Variants in RABGAP1L observed in about 807,000 individuals in gnomAD.
RABGAP1L encodes rab GTPase-activating protein 1-like.
In RABGAP1L, 63 loss-of-function variants were observed where a neutral mutation model predicts 137.7. The ratio of observed to expected loss-of-function variants is 0.46; its 90% confidence interval spans 0.37 to 0.56. The LOEUF (loss-of-function observed/expected upper bound fraction) is 0.56. Ranked by LOEUF, RABGAP1L falls within the 20% of genes least tolerant of loss-of-function variation. RABGAP1L has a pLI of 0.00. For missense variants in RABGAP1L, 1,095 were observed against 1,244.0 expected (o/e 0.88, Z 1.80); for synonymous variants, 431 against 433.7 (o/e 0.99, Z 0.08).
chr1:174,794,234 G>A (rs1405686525), intron 18 of RABGAP1L, among the ~76,000 whole-genome samples: 1 of 152,228 alleles, frequency 6.6e-6, no homozygotes, highest in Non-Finnish European at 1.5e-5. Context: ...ACTTATTGAT[G>A]TGTCTGTGTC....
At chr1:174,161,729 T>C (rs1664474761) in intron 1 of RABGAP1L, among the ~76,000 whole-genome samples, 1 of 152,116 alleles carries the variant, frequency 6.6e-6, no homozygotes, top group African/African-American at 2.4e-5. Context: ...TAGATGAAGT[T>C]TGTTTGTTTC....
chr1:174,419,148 G>T (rs907159929), intron 13 of RABGAP1L, among the ~76,000 whole-genome samples: 1 of 152,104 alleles, frequency 6.6e-6, no homozygotes, highest in Admixed American at 6.5e-5. Context: ...ATCTATTCTT[G>T]GTTTATTTAC....
At chr1:174,946,382 G>A (rs1203267682) in intron 19 of RABGAP1L, among the ~76,000 whole-genome samples, 6 of 152,176 alleles carry the variant, frequency 3.9e-5, no homozygotes, top group Admixed American at 3.9e-4. Context: ...GCATGTTCCT[G>A]TAGTCCCAGC....
chr1:174,370,863 TA>T (rs1685061945), intron 11 of RABGAP1L, 115 bp from the exon 12 acceptor site: 3 of 444,874 alleles, frequency 6.7e-6, no homozygotes, highest in African/African-American at 6.1e-5. Flanking sequence ...ATGCATGTAA[TA>T]ATATGAAGAG....
At chr1:174,867,139 T>C (rs1651401434) in intron 19 of RABGAP1L, among the ~76,000 whole-genome samples, 1 of 151,856 alleles carries the variant, frequency 6.6e-6, no homozygotes, top group African/African-American at 2.4e-5. Context: ...TCCCAGCATG[T>C]TGGGAGGCTG....
intron 13 of RABGAP1L, among the ~76,000 whole-genome samples, chr1:174,577,210 TACACAC>T (rs67709003): frequency 0.17 from 21,674 of 126,648 alleles, 2,007 homozygotes; most frequent in Admixed American, 0.26. Flanking sequence ...GGGGAAAAAA[TACACAC>T]ACACACACAC....
In RABGAP1L at chr1:174,550,846, C is replaced by T. The variant is rs559599420; in HGVS notation, c.1711-86529C>T. Among the ~76,000 whole-genome samples the T allele has an allele frequency of 3.5e-4, 39 of 110,120 alleles. No homozygotes were observed. In the East Asian group the frequency reaches 6.3e-3, roughly 18 times the overall value. 72.2% of individuals were successfully genotyped at this position (110,120 alleles called of 152,430 possible). On this transcript the variant is annotated intron_variant, in intron 13 of 25. Coordinates refer to ENST00000681986, the MANE Select transcript of RABGAP1L (RefSeq NM_001366446.1). ...CATCCTGGCTAACACGGTGAAACCC[C>T]GTCTCTGCTAAATATATATATATAT...
chr1:174,672,909 G>C (rs1285843650), intron 14 of RABGAP1L, among the ~76,000 whole-genome samples: 2 of 152,088 alleles, frequency 1.3e-5, no homozygotes, highest in African/African-American at 2.4e-5. Flanking sequence ...GCTTTGTCAT[G>C]AACAAATCTC....
intron 8 of RABGAP1L, 143 bp downstream of exon 8, chr1:174,272,623 CA>C: frequency 8.9e-7 from 1 of 1,129,014 alleles, no homozygotes; most frequent in Non-Finnish European, 1.1e-6. Flanking sequence ...TTTGGAAACG[CA>C]AACTTAAAAT....
chr1:174,511,577 C>T (rs1351010981), intron 13 of RABGAP1L, among the ~76,000 whole-genome samples: 5 of 151,064 alleles, frequency 3.3e-5, no homozygotes, highest in Admixed American at 1.3e-4. Flanking sequence ...CAATCTATGC[C>T]CTGGTTAAAA....
At chr1:174,463,148 C>A in intron 13 of RABGAP1L, among the ~76,000 whole-genome samples, 1 of 152,014 alleles carries the variant, frequency 6.6e-6, no homozygotes, top group East Asian at 1.9e-4. Context: ...TTGACCCAGC[C>A]ATCCCATTAC....
At chr1:174,553,129 C>T (rs964015676) in intron 13 of RABGAP1L, among the ~76,000 whole-genome samples, 17 of 152,032 alleles carry the variant, frequency 1.1e-4, no homozygotes, top group African/African-American at 4.1e-4. Context: ...GGATATTAGA[C>T]GTTTGTCAGA....
chr1:174,947,098 C>T (rs1053556608), intron 19 of RABGAP1L, among the ~76,000 whole-genome samples: 1 of 149,870 alleles, frequency 6.7e-6, no homozygotes, highest in South Asian at 2.1e-4. Flanking sequence ...TACCCTATTA[C>T]AAAACATAAA....
chr1:174,273,199 T>A (rs1449837945), intron 8 of RABGAP1L, among the ~76,000 whole-genome samples: 2 of 152,080 alleles, frequency 1.3e-5, no homozygotes, highest in Non-Finnish European at 2.9e-5. Flanking sequence ...TTTAGCTGTG[T>A]TTTGCAAATA....
At chr1:174,856,752 A>G (rs191185543) in intron 19 of RABGAP1L, among the ~76,000 whole-genome samples, 28 of 151,958 alleles carry the variant, frequency 1.8e-4, no homozygotes, top group African/African-American at 6.0e-4. Flanking sequence ...CATGGAGAAA[A>G]CCCATCTGTA....
Position 174,554,971 on chromosome 1 carries a change from G to T in RABGAP1L, c.1711-82404G>T, listed in dbSNP as rs143416037. Among the ~76,000 whole-genome samples the T allele has an allele frequency of 6.8e-4, 103 of 152,164 alleles. 1 individual carries two copies. The highest frequency in any genetic ancestry group is 2.3e-3 in the African/African-American group (95 of 41,500). ...TTCCAAGGCCAACATGTAAGGAATTGCTCTTTAATTAGGTTTCCAACAGTT... is the reference window on the plus strand; with the variant it reads ...TTCCAAGGCCAACATGTAAGGAATTTCTCTTTAATTAGGTTTCCAACAGTT... On this transcript the variant is annotated intron_variant, in intron 13 of 25. Transcript: ENST00000681986.
At chr1:174,269,178 C>T (rs1337665127) in intron 7 of RABGAP1L, among the ~76,000 whole-genome samples, 3 of 152,108 alleles carry the variant, frequency 2.0e-5, no homozygotes, top group Non-Finnish European at 2.9e-5. Context: ...CTCCCGACCT[C>T]GTGATCCGCC....
At chr1:174,946,593 A>G (rs1666800643) in intron 19 of RABGAP1L, among the ~76,000 whole-genome samples, 1 of 152,008 alleles carries the variant, frequency 6.6e-6, no homozygotes, top group African/African-American at 2.4e-5. Context: ...TGTGAGGCTT[A>G]AGAAATATAA....
chr1:174,499,215 C>T (rs1169019521), intron 13 of RABGAP1L, among the ~76,000 whole-genome samples: 1 of 151,578 alleles, frequency 6.6e-6, no homozygotes, highest in Non-Finnish European at 1.5e-5. Flanking sequence ...TTGATTAAAT[C>T]TTTTACAGAA....
Sources: allele counts gnomAD v4.1 joint callset (sites outside exome capture counted in the v4.1 genomes callset), GRCh38; gene constraint gnomAD v4.1.1; transcripts MANE v1.5; gene names NCBI Gene and HGNC (gene_info 2026-07-23, HGNC 2026-07-21).